AGBL1: variants seen among roughly 807,000 people sequenced by gnomAD.
AGBL1 encodes the protein cytosolic carboxypeptidase 4.
A neutral mutation model predicts 118.9 loss-of-function variants in AGBL1; 130 were observed. That is an observed-to-expected ratio of 1.09 (90% confidence interval 0.95 to 1.26). The LOEUF is 1.26. AGBL1 is among the 50% of genes most tolerant of loss of function. The pLI is 0.00. For missense variants in AGBL1, 1,584 were observed against 1,298.1 expected (o/e 1.22, Z -3.38); for synonymous variants, 555 against 478.9 (o/e 1.16, Z -2.08).
rs1398780860 is a variant in AGBL1, at chr15:86,269,255, TG to T, written c.1839-663del. Among the ~76,000 whole-genome samples the T allele has an allele frequency of 3.9e-5, 6 of 152,226 alleles. No individual in the cohort carries two copies. In the East Asian group the frequency reaches 1.2e-3, roughly 29 times the overall value. ...CTGCATTGCTAGCCTAATTCATGTT[TG>T]TTGTTTTGCTGGGGGATGTATATTT... On this transcript the variant is annotated intron_variant, in intron 13 of 22. Coordinates refer to ENST00000614907, the MANE Select transcript of AGBL1 (RefSeq NM_001386094.1).
At chr15:86,104,007 G>C (rs1896885532) in intron 1 of AGBL1, among the ~76,000 whole-genome samples, 1 of 152,168 alleles carries the variant, frequency 6.6e-6, no homozygotes, top group Admixed American at 6.5e-5. Flanking sequence ...AGCTGTGATG[G>C]GTGAGGAGGG....
intron 19 of AGBL1, among the ~76,000 whole-genome samples, chr15:86,544,298 C>G (rs920051829): frequency 6.6e-6 from 1 of 152,128 alleles, no homozygotes; most frequent in Non-Finnish European, 1.5e-5. Flanking sequence ...ATCCAGCAGC[C>G]CAGCCTATGT....
intron 23 of AGBL1, among the ~76,000 whole-genome samples, chr15:86,960,076 T>C (rs1303692705): frequency 6.6e-6 from 1 of 152,184 alleles, no homozygotes; most frequent in Non-Finnish European, 1.5e-5. Flanking sequence ...TTTTGCTTCT[T>C]TAACCTTTCT....
At chr15:86,564,904 T>A (rs950769538) in intron 21 of AGBL1, among the ~76,000 whole-genome samples, 4 of 152,240 alleles carry the variant, frequency 2.6e-5, no homozygotes, top group Admixed American at 2.6e-4. Flanking sequence ...CTGATACCTT[T>A]TCTTCCAGTT....
intron 22 of AGBL1, among the ~76,000 whole-genome samples, chr15:86,897,550 A>T (rs924662691): frequency 2.0e-5 from 3 of 151,370 alleles, no homozygotes; most frequent in African/African-American, 7.3e-5. Context: ...TGGTTTTTCA[A>T]TGTTTCTTTC....
rs529608660 is a variant in AGBL1 at position 86,699,093 on chromosome 15, T to G, written c.3158+24657T>G. Among the ~76,000 whole-genome samples the G allele has an allele frequency of 2.9e-3, 438 of 152,082 alleles. 2 individuals carry two copies. The highest frequency in any genetic ancestry group is 0.01 in the African/African-American group (417 of 41,542). On this transcript the variant is annotated intron_variant, in intron 22 of 22. Transcript: ENST00000614907. ...TATTCTCAATCTCAGGTAACATGCC[T>G]TTCATATTTTTTTTAGTGTTTTAAT...
In AGBL1 at chr15:86,256,860, T is replaced by C. The variant is rs1384955691; in HGVS notation, c.743T>C (p.Leu248Pro). The change falls in exon 8 of 23, where the codon CTG (leucine) becomes CCG (proline). Residue 248 changes from leucine to proline, a missense_variant. By Grantham distance (98) the Leu-to-Pro change is moderately conservative (BLOSUM62 -3). Coordinates refer to ENST00000614907, the MANE Select transcript of AGBL1 (RefSeq NM_001386094.1). ...AATCTTCCCTTTGCTCAGAACTGCCTGGATGACAAGAGCATGGAGCCCGTC... is the reference window on the plus strand; with the variant it reads ...AATCTTCCCTTTGCTCAGAACTGCCCGGATGACAAGAGCATGGAGCCCGTC... ...EILFSTTQNC[L>P]DDKSMEPVIS... 6 of 1,613,720 alleles carry C rather than the reference T, an allele frequency of 3.7e-6. No individual in the cohort carries two copies. The highest frequency in any genetic ancestry group is 5.1e-6 in the Non-Finnish European group (6 of 1,179,840).
At chr15:86,761,826 G>A (rs73445241) in intron 22 of AGBL1, among the ~76,000 whole-genome samples, 4,174 of 151,988 alleles carry the variant, frequency 0.027, 215 homozygotes, top group African/African-American at 0.096. Flanking sequence ...GTGCAGAAGC[G>A]CTTTAGTTTA....
chr15:86,358,665 T>G (rs1694625282), intron 17 of AGBL1, among the ~76,000 whole-genome samples: 1 of 152,008 alleles, frequency 6.6e-6, no homozygotes, highest in Non-Finnish European at 1.5e-5. Context: ...AAGGGGTCCC[T>G]TTTCTCCACA....
intron 6 of AGBL1, among the ~76,000 whole-genome samples, chr15:86,234,818 C>T (rs901880379): frequency 6.6e-6 from 1 of 152,114 alleles, no homozygotes; most frequent in South Asian, 2.1e-4. Flanking sequence ...AAGATGAACT[C>T]TTGTTTTATT....
At chr15:86,807,891 C>A (rs1172114025) in intron 22 of AGBL1, among the ~76,000 whole-genome samples, 4 of 152,002 alleles carry the variant, frequency 2.6e-5, no homozygotes, top group Non-Finnish European at 5.9e-5. Flanking sequence ...TGCTATGTTC[C>A]ACCCATTCCA....
chr15:87,014,164 AG>A (rs1444246305), intron 24 of AGBL1, among the ~76,000 whole-genome samples: 4 of 152,216 alleles, frequency 2.6e-5, no homozygotes, highest in African/African-American at 9.6e-5. Flanking sequence ...AATGTTATTT[AG>A]AAAGTCTTAA....
chr15:86,759,491 C>G (rs1185523057), intron 22 of AGBL1, among the ~76,000 whole-genome samples: 1 of 151,976 alleles, frequency 6.6e-6, no homozygotes, highest in African/African-American at 2.4e-5. Context: ...AGGAAGTGCC[C>G]CCAAATGTTC....
chr15:86,562,869 TG>T (rs34575270), intron 21 of AGBL1, among the ~76,000 whole-genome samples: 69,369 of 151,532 alleles, frequency 0.46, 16,533 homozygotes, highest in East Asian at 0.75. Flanking sequence ...GGTTTAGTCT[TG>T]GGAGGGTGCA....
chr15:86,436,253 A>G (rs1486975209), intron 18 of AGBL1, among the ~76,000 whole-genome samples: 1 of 151,854 alleles, frequency 6.6e-6, no homozygotes, highest in East Asian at 1.9e-4. Flanking sequence ...AGGAAGTCTC[A>G]TCTCCTACCC....
chr15:86,899,074 A>G (rs1191255026), intron 22 of AGBL1, among the ~76,000 whole-genome samples: 1 of 152,204 alleles, frequency 6.6e-6, no homozygotes, highest in Non-Finnish European at 1.5e-5. Context: ...TTCTACCGCA[A>G]AGACACATGC....
intron 1 of AGBL1, among the ~76,000 whole-genome samples, chr15:86,119,165 C>T (rs2141572156): frequency 6.6e-6 from 1 of 152,264 alleles, no homozygotes; most frequent in South Asian, 2.1e-4. Flanking sequence ...CAACTTAAAC[C>T]ACACTCTGGG....
chr15:86,676,044 C>G (rs1291503075), intron 22 of AGBL1, among the ~76,000 whole-genome samples: 4 of 152,168 alleles, frequency 2.6e-5, no homozygotes, highest in Non-Finnish European at 5.9e-5. Context: ...CCCTTCCACA[C>G]CATTTCACAC....
intron 6 of AGBL1, among the ~76,000 whole-genome samples, chr15:86,234,756 G>A (rs1226582498): frequency 6.6e-6 from 1 of 152,094 alleles, no homozygotes; most frequent in African/African-American, 2.4e-5. Flanking sequence ...TTTAAACAAG[G>A]TGATGTTTAA....
Sources: allele counts gnomAD v4.1 joint callset (sites outside exome capture counted in the v4.1 genomes callset), GRCh38; gene constraint gnomAD v4.1.1; transcripts MANE v1.5; gene names NCBI Gene and HGNC (gene_info 2026-07-23, HGNC 2026-07-21).